Variants in CATIP observed in about 807,000 individuals in gnomAD.
The protein encoded by CATIP is ciliogenesis associated TTC17 interacting protein, also known as ciliogenesis-associated TTC17-interacting protein.
Under a neutral mutation model 42.5 loss-of-function variants are expected in CATIP, and 40 were observed. That is an observed-to-expected ratio of 0.94 (90% CI 0.73 to 1.22). The LOEUF (loss-of-function observed/expected upper bound fraction) is 1.22, where lower values mean the gene tolerates loss of function less well. CATIP is among the 50% of genes most tolerant of loss of function. CATIP has a pLI of 0.00. For synonymous variants in CATIP, 222 were observed against 200.2 expected (o/e 1.11, Z -0.92); for missense variants, 489 against 496.0 (o/e 0.99, Z 0.13).
chr2:218,362,288 G>T (rs1695263460), intron 5 of CATIP, among the ~76,000 whole-genome samples: 1 of 151,288 alleles, frequency 6.6e-6, no homozygotes. Flanking sequence ...GGGAGCTGGA[G>T]GTTGCAGTGA....
chr2:218,360,245 G>A (rs886525498), intron 4 of CATIP, among the ~76,000 whole-genome samples: 2 of 151,904 alleles, frequency 1.3e-5, no homozygotes, highest in Non-Finnish European at 2.9e-5. Flanking sequence ...CTCCGCCTCC[G>A]GGTTCAAGCA....
Position 218,363,955 on chromosome 2 carries a change from A to G in CATIP, c.631-673A>G, listed in dbSNP as rs140647903. ...TTTTTGTTTTTAACTAAAATTTCAT[A>G]ATCAGCATGCCTAGGACTTCCTGCA... On this transcript the variant is annotated intron_variant, in intron 6 of 9. Coordinates refer to ENST00000289388, the MANE Select transcript of CATIP (RefSeq NM_198559.2). Among the ~76,000 whole-genome samples, 372 of 152,320 alleles carry G rather than the reference A, an allele frequency of 2.4e-3. 4 individuals are homozygous for G. Among genetic ancestry groups the G allele is most frequent in the African/African-American group, 7.9e-3 (330 of 41,566 alleles).
chr2:218,364,844 C>T, intron 7 of CATIP, 92 bp downstream of exon 7: 1 of 1,424,920 alleles, frequency 7.0e-7, no homozygotes, highest in Non-Finnish European at 9.6e-7. Context: ...CCAGGAAGAA[C>T]TGGCATTGAG....
intron 4 of CATIP, among the ~76,000 whole-genome samples, chr2:218,360,273 T>G (rs543396751): frequency 6.6e-6 from 1 of 152,212 alleles, no homozygotes; most frequent in South Asian, 2.1e-4. Context: ...TGCCTCAGCC[T>G]CCCAAGTAGC....
rs1235177977 is a variant in CATIP, at chr2:218,367,734, C to T, written c.934C>T (p.Leu312Phe). Reference protein sequence around the residue: ...KFLDRKEELRLGHASYLRQHP... With the variant: ...KFLDRKEELRFGHASYLRQHP... ...TGTCCCCTGCCAGGAGGAGCTCCGG[C>T]TCGGCCACGCCAGCTATCTGCGGCA... Residue 312 changes from leucine to phenylalanine, a missense_variant, in exon 10 of 10, where the codon CTC becomes TTC. Leu to Phe is a conservative substitution (Grantham distance 22, BLOSUM62 0). Transcript: ENST00000289388. 1.9e-6 allele frequency: 3 copies of T among 1,599,964 alleles called. No individual in the cohort carries two copies. The highest frequency in any genetic ancestry group is 1.3e-5 in the African/African-American group (1 of 74,778).
At chr2:218,363,788 AAC>A (rs1695326631) in intron 6 of CATIP, among the ~76,000 whole-genome samples, 1 of 152,124 alleles carries the variant, frequency 6.6e-6, no homozygotes, top group African/African-American at 2.4e-5. Flanking sequence ...CAGCCTGGGC[AAC>A]AGAGGGAGAC....
chr2:218,362,607 G>A, intron 5 of CATIP, 128 bp from the exon 6 acceptor site: 4 of 843,706 alleles, frequency 4.7e-6, no homozygotes, highest in Non-Finnish European at 7.3e-6. Context: ...ACTCCAGCCT[G>A]GGTGACAAAA....
rs1374432414 is a variant in CATIP at position 218,367,728 on chromosome 2, C to T, written c.928C>T (p.Leu310Phe). ...YSKFLDRKEE[L>F]RLGHASYLRQ... is the part of the protein sequence containing the mutation. ...GGGCTCTGTCCCCTGCCAGGAGGAGCTCCGGCTCGGCCACGCCAGCTATCT... is the reference window on the plus strand; with the variant it reads ...GGGCTCTGTCCCCTGCCAGGAGGAGTTCCGGCTCGGCCACGCCAGCTATCT... Residue 310 changes from leucine to phenylalanine, a missense_variant, in exon 10 of 10, where the codon CTC becomes TTC. By Grantham distance (22) the Leu-to-Phe change is conservative. Transcript: ENST00000289388. 6.3e-7 allele frequency: 1 copy of T among 1,596,240 alleles called. No individual in the cohort carries two copies. Among genetic ancestry groups the T allele is most frequent in the Non-Finnish European group, 8.5e-7 (1 of 1,174,712 alleles).
intron 6 of CATIP, 85 bp downstream of exon 6, chr2:218,362,987 G>C: frequency 7.4e-7 from 1 of 1,352,118 alleles, no homozygotes; most frequent in Non-Finnish European, 1.0e-6. Flanking sequence ...AACAGCTGTG[G>C]AGTAGAAAAG....
chr2:218,367,678 C>T (rs750381094), intron 9 of CATIP, 44 bp from the exon 10 acceptor site: 57 of 1,574,852 alleles, frequency 3.6e-5, no homozygotes, highest in Non-Finnish European at 4.8e-5. Context: ...TCCTGGGGCG[C>T]GGGGGTCCCG....
chr2:218,367,327 G>A, intron 8 of CATIP, 103 bp from the exon 9 acceptor site: 3 of 1,109,554 alleles, frequency 2.7e-6, no homozygotes, highest in Non-Finnish European at 4.1e-6. Context: ...CAGAATCCTG[G>A]GGTTTCACCT....
chr2:218,358,955 A>G (rs1695139528), intron 4 of CATIP, among the ~76,000 whole-genome samples: 1 of 152,000 alleles, frequency 6.6e-6, no homozygotes, highest in Non-Finnish European at 1.5e-5. Flanking sequence ...CTGTAATCCC[A>G]GCAATTTGGG....
rs185908310 is a variant in CATIP at position 218,366,995 on chromosome 2, T to A, written c.756-29T>A. 2.5e-6 allele frequency: 4 copies of A among 1,579,268 alleles called. No individual in the cohort carries two copies. In the East Asian group the frequency reaches 9.0e-5, roughly 35 times the overall value. ...CATAGCAGGCGGTCTGGGAAGATTCTCACTCTCACATGTTGTGTTGCACTC... is the reference window on the plus strand; with the variant it reads ...CATAGCAGGCGGTCTGGGAAGATTCACACTCTCACATGTTGTGTTGCACTC... On this transcript the variant is annotated intron_variant, in intron 7 of 9. Coordinates refer to ENST00000289388, the MANE Select transcript of CATIP (RefSeq NM_198559.2).
At chr2:218,362,079 C>A (rs139631228) in intron 5 of CATIP, among the ~76,000 whole-genome samples, 1 of 151,866 alleles carries the variant, frequency 6.6e-6, no homozygotes, top group East Asian at 1.9e-4. Flanking sequence ...GAAGGCCAGG[C>A]GTGTGGTGAC....
chr2:218,357,300 CT>C, intron 2 of CATIP, 113 bp downstream of exon 2: 1 of 547,144 alleles, frequency 1.8e-6, no homozygotes, highest in Non-Finnish European at 2.9e-6. Flanking sequence ...TTCCTTGATT[CT>C]CCTGGGACTC....
At position 218,364,741 on chromosome 2, in the gene CATIP, G is replaced by T. The variant is rs1489300790; in HGVS notation, c.744G>T (p.Leu248=). 1 of 1,613,162 alleles carries T rather than the reference G, an allele frequency of 6.2e-7. No individual in the cohort carries two copies. Among genetic ancestry groups the T allele is most frequent in the South Asian group, 1.1e-5 (1 of 90,936 alleles). The change falls in exon 7 of 10, where the codon CTG becomes CTT. Residue 248 remains leucine (L), a synonymous_variant. Coordinates refer to ENST00000289388, the MANE Select transcript of CATIP (RefSeq NM_198559.2). ...TCCCCATGTCCTGCCAGTACTACCTGCTCTCCGATGGGTGAGCTGCTGATG... is the reference window on the plus strand; with the variant it reads ...TCCCCATGTCCTGCCAGTACTACCTTCTCTCCGATGGGTGAGCTGCTGATG... ...EGIPMSCQYY[L]LSDGHLAKRI...
At chr2:218,366,635 G>A in intron 7 of CATIP, 1 of 314,398 alleles carries the variant, frequency 3.2e-6, no homozygotes, top group Non-Finnish European at 6.2e-6. Context: ...AGTCTGCTTA[G>A]GCTGCCATAA....
In CATIP at chr2:218,364,579, T is replaced by C. The variant is rs143261230; in HGVS notation, c.631-49T>C. 766 of 1,604,528 alleles carry C rather than the reference T, an allele frequency of 4.8e-4. 3 individuals carry two copies. The highest frequency in any genetic ancestry group is 3.0e-3 in the Middle Eastern group (18 of 6,010). ...CTAAGGTAAGATGATGGGGAGCCCT[T>C]GGCGGGCATCCACCTTACCTCCCAC... On this transcript the variant is annotated intron_variant, in intron 6 of 9. Transcript: ENST00000289388.
rs199630251 is a variant in CATIP, at chr2:218,362,834, C to T, written c.562C>T (p.Arg188Trp). The change falls in exon 6 of 10, where the codon CGG (arginine) becomes TGG (tryptophan). Residue 188 changes from arginine to tryptophan, a missense_variant. Transcript: ENST00000289388. Reference sequence around the variant, plus strand: ...GCTGCTCAGGGTGATGGCCTGGCGGCGGATGGTGCCCAGCAATGCCCGCTT... The same window carrying T: ...GCTGCTCAGGGTGATGGCCTGGCGGTGGATGGTGCCCAGCAATGCCCGCTT... ...LVLLRVMAWR[R>W]MVPSNARFLT... is the part of the protein sequence containing the mutation. 76 of 1,614,044 alleles carry T rather than the reference C, an allele frequency of 4.7e-5. No individual in the cohort carries two copies. In the East Asian group the frequency reaches 1.3e-3, roughly 27 times the overall value.
Sources: allele counts gnomAD v4.1 joint callset (sites outside exome capture counted in the v4.1 genomes callset), GRCh38; gene constraint gnomAD v4.1.1; transcripts MANE v1.5; gene names NCBI Gene and HGNC (gene_info 2026-07-23, HGNC 2026-07-21).